Variants in UBE2E2 observed in about 807,000 individuals in gnomAD.
UBE2E2 encodes the protein ubiquitin conjugating enzyme E2 E2, also known as ubiquitin-conjugating enzyme E2 E2.
In UBE2E2, 6 loss-of-function variants were observed where a neutral mutation model predicts 24.7. The observed-to-expected ratio is 0.24, with a 90% confidence interval of 0.13 to 0.48. The LOEUF (loss-of-function observed/expected upper bound fraction) is 0.48. Ranked by LOEUF, UBE2E2 falls within the 20% of genes least tolerant of loss-of-function variation. UBE2E2 has a pLI of 0.99. For missense variants in UBE2E2, 169 were observed against 245.0 expected (o/e 0.69, Z 2.07); for synonymous variants, 104 against 83.6 (o/e 1.24, Z -1.33).
At chr3:23,239,547 T>C (rs1228782394) in intron 3 of UBE2E2, among the ~76,000 whole-genome samples, 2 of 152,156 alleles carry the variant, frequency 1.3e-5, no homozygotes, top group African/African-American at 2.4e-5. Context: ...GCCTTTTATA[T>C]CTGGTGTCTT....
At chr3:23,244,470 A>C (rs561001987) in intron 3 of UBE2E2, among the ~76,000 whole-genome samples, 1 of 152,304 alleles carries the variant, frequency 6.6e-6, no homozygotes, top group Admixed American at 6.5e-5. Context: ...TTTACAGTCA[A>C]AGTGGAAGAG....
At chr3:23,551,800 C>G (rs1215091216) in intron 5 of UBE2E2, among the ~76,000 whole-genome samples, 1 of 152,090 alleles carries the variant, frequency 6.6e-6, no homozygotes, top group African/African-American at 2.4e-5. Context: ...GCTAGGGCCT[C>G]GTATAAGGGT....
chr3:23,352,171 T>G (rs1417320355), intron 3 of UBE2E2, among the ~76,000 whole-genome samples: 4 of 152,060 alleles, frequency 2.6e-5, no homozygotes, highest in Non-Finnish European at 5.9e-5. Context: ...AATAAAGATG[T>G]TCTTTGAAAC....
rs575288362 is a variant in UBE2E2 at position 23,308,250 on chromosome 3, A to G, written c.227+90938A>G. On this transcript the variant is annotated intron_variant, in intron 3 of 5. Transcript: ENST00000396703. ...TGAAATATGTGTAGTAACTAGAGCAATGTCAGACATTCAGATATTAGTTTC... is the reference window on the plus strand; with the variant it reads ...TGAAATATGTGTAGTAACTAGAGCAGTGTCAGACATTCAGATATTAGTTTC... 3.9e-5 allele frequency among the ~76,000 whole-genome samples: 6 copies of G among 152,326 alleles called. No homozygotes were observed. In the South Asian group the frequency reaches 1.0e-3, roughly 26 times the overall value.
intron 5 of UBE2E2, among the ~76,000 whole-genome samples, chr3:23,538,412 T>A (rs1277926181): frequency 2.6e-5 from 4 of 152,176 alleles, no homozygotes; most frequent in African/African-American, 4.8e-5. Flanking sequence ...AAAGCTATGG[T>A]TATAGAGTTC....
chr3:23,518,274 G>A (rs1417276527), intron 4 of UBE2E2, among the ~76,000 whole-genome samples: 2 of 152,174 alleles, frequency 1.3e-5, no homozygotes, highest in East Asian at 3.9e-4. Flanking sequence ...TGGACAAGTG[G>A]GGAATAGAGA....
At chr3:23,317,515 C>T (rs540386847) in intron 3 of UBE2E2, among the ~76,000 whole-genome samples, 64 of 152,176 alleles carry the variant, frequency 4.2e-4, no homozygotes, top group Admixed American at 3.2e-3. Flanking sequence ...TACCGGAGAC[C>T]GGGTGATTTA....
chr3:23,459,297 T>G (rs188697326), intron 3 of UBE2E2, among the ~76,000 whole-genome samples: 4 of 152,324 alleles, frequency 2.6e-5, no homozygotes, highest in Admixed American at 6.5e-5. Context: ...AATGAACTTT[T>G]TAATTTCATA....
intron 3 of UBE2E2, among the ~76,000 whole-genome samples, chr3:23,482,166 A>G (rs1036987250): frequency 5.9e-5 from 9 of 152,234 alleles, no homozygotes; most frequent in African/African-American, 1.7e-4. Flanking sequence ...TTGAGCAACA[A>G]GATGTTTCTA....
intron 3 of UBE2E2, among the ~76,000 whole-genome samples, chr3:23,491,995 A>G (rs1374536011): frequency 6.6e-6 from 1 of 152,236 alleles, no homozygotes; most frequent in Admixed American, 6.5e-5. Context: ...TTATGACCAG[A>G]TTAGAGATGC....
At chr3:23,588,596 G>A (rs1472069479) in intron 5 of UBE2E2, among the ~76,000 whole-genome samples, 1 of 151,524 alleles carries the variant, frequency 6.6e-6, no homozygotes, top group East Asian at 1.9e-4. Context: ...TTAATTAAAC[G>A]TTGACCCAAT....
intron 3 of UBE2E2, among the ~76,000 whole-genome samples, chr3:23,406,952 G>A (rs540001744): frequency 5.3e-5 from 8 of 152,184 alleles, no homozygotes; most frequent in Non-Finnish European, 7.3e-5. Context: ...TCCCCCATGA[G>A]GAGGGCAGGG....
chr3:23,213,406 TCTG>T (rs1244037706), intron 2 of UBE2E2, among the ~76,000 whole-genome samples: 1 of 152,090 alleles, frequency 6.6e-6, no homozygotes, highest in Non-Finnish European at 1.5e-5. Flanking sequence ...ATTCCCCTCC[TCTG>T]CTATTTTTTT....
At chr3:23,341,513 C>T (rs1032943470) in intron 3 of UBE2E2, among the ~76,000 whole-genome samples, 1 of 152,240 alleles carries the variant, frequency 6.6e-6, no homozygotes. Context: ...ATCTTCAAGA[C>T]CACAAGCTAA....
chr3:23,584,881 G>A (rs575614696), intron 5 of UBE2E2, among the ~76,000 whole-genome samples: 19 of 152,140 alleles, frequency 1.2e-4, no homozygotes, highest in African/African-American at 2.7e-4. Context: ...TGGTATGACA[G>A]TCTTTCACTC....
intron 4 of UBE2E2, among the ~76,000 whole-genome samples, chr3:23,516,867 T>TA (rs1313731646): frequency 2.0e-5 from 3 of 152,190 alleles, no homozygotes; most frequent in Non-Finnish European, 2.9e-5. Flanking sequence ...GACCTCTAGA[T>TA]ATGTGTTCTT....
At chr3:23,435,932 C>T (rs1698169095) in intron 3 of UBE2E2, among the ~76,000 whole-genome samples, 1 of 152,014 alleles carries the variant, frequency 6.6e-6, no homozygotes, top group Admixed American at 6.6e-5. Flanking sequence ...GGGGATGAAA[C>T]TCTTCTGCCT....
intron 3 of UBE2E2, among the ~76,000 whole-genome samples, chr3:23,312,152 A>T (rs1172777369): frequency 1.3e-5 from 2 of 152,126 alleles, no homozygotes; most frequent in Non-Finnish European, 2.9e-5. Flanking sequence ...TTCTGCCATG[A>T]TTGGAAGCCT....
intron 3 of UBE2E2, among the ~76,000 whole-genome samples, chr3:23,435,438 C>A (rs953050441): frequency 1.3e-5 from 2 of 152,186 alleles, no homozygotes; most frequent in Non-Finnish European, 2.9e-5. Context: ...TCACTTCCTC[C>A]TCACCCCTTT....
Sources: gnomAD v4.1 joint callset for allele counts (sites outside exome capture counted in the v4.1 genomes callset) on GRCh38, gnomAD v4.1.1 for gene constraint, MANE v1.5 for transcripts, NCBI Gene and HGNC (gene_info 2026-07-23, HGNC 2026-07-21) for gene names.